PTPRD: variants seen among roughly 807,000 people sequenced by gnomAD.
The protein encoded by PTPRD is protein tyrosine phosphatase receptor type D, also known as receptor-type tyrosine-protein phosphatase delta.
A neutral mutation model predicts 214.5 loss-of-function variants in PTPRD; 34 were observed. That is an observed-to-expected ratio of 0.16 (90% confidence interval 0.12 to 0.21). The LOEUF (loss-of-function observed/expected upper bound fraction) is 0.21, where lower values mean the gene tolerates loss of function less well. Among genes scored for constraint, PTPRD ranks in the 10% least tolerant of loss-of-function variants. The pLI is 1.00. For synonymous variants in PTPRD, 1,128 were observed against 845.7 expected (o/e 1.33, Z -5.79); for missense variants, 2,545 against 2,398.7 (o/e 1.06, Z -1.27).
intron 10 of PTPRD, among the ~76,000 whole-genome samples, chr9:9,090,444 G>A (rs1282122011): frequency 6.6e-6 from 1 of 152,152 alleles, no homozygotes; most frequent in African/African-American, 2.4e-5. Context: ...TGAGCTGTGT[G>A]TCTTTAATCA....
chr9:8,713,897 A>G (rs2098400406), intron 12 of PTPRD: 3 of 618,662 alleles, frequency 4.8e-6, no homozygotes, highest in Admixed American at 3.7e-5. Context: ...CCCCGGTGGA[A>G]AAAAAAAAAA....
intron 10 of PTPRD, among the ~76,000 whole-genome samples, chr9:9,076,055 C>T (rs988165602): frequency 3.3e-5 from 5 of 152,140 alleles, no homozygotes; most frequent in Admixed American, 1.3e-4. Flanking sequence ...TATTTCTCTA[C>T]ATCCTCTCCA....
intron 10 of PTPRD, among the ~76,000 whole-genome samples, chr9:9,061,728 T>A (rs1349913722): frequency 1.3e-5 from 2 of 152,206 alleles, no homozygotes; most frequent in Admixed American, 6.5e-5. Flanking sequence ...AGCAAACAGC[T>A]GTTATTCTGT....
At chr9:9,568,108 T>C (rs1455008668) in intron 8 of PTPRD, among the ~76,000 whole-genome samples, 1 of 151,896 alleles carries the variant, frequency 6.6e-6, no homozygotes, top group Non-Finnish European at 1.5e-5. Flanking sequence ...CATTGAGTCA[T>C]CCATGAAATT....
At chr9:9,545,342 T>C (rs2078535668) in intron 8 of PTPRD, among the ~76,000 whole-genome samples, 2 of 151,862 alleles carry the variant, frequency 1.3e-5, no homozygotes, top group South Asian at 4.1e-4. Context: ...ACTACTGATA[T>C]TTTTAATGTC....
intron 8 of PTPRD, among the ~76,000 whole-genome samples, chr9:9,484,786 C>G (rs1303359558): frequency 1.3e-5 from 2 of 152,046 alleles, no homozygotes; most frequent in Non-Finnish European, 2.9e-5. Flanking sequence ...GTTCTGGAGC[C>G]TACAGTCTTG....
chr9:10,513,876 G>A (rs1320231792), intron 2 of PTPRD, among the ~76,000 whole-genome samples: 4 of 152,090 alleles, frequency 2.6e-5, no homozygotes, highest in African/African-American at 7.2e-5. Context: ...ACTGAAAAAT[G>A]AGCAAGATAC....
intron 4 of PTPRD, among the ~76,000 whole-genome samples, chr9:9,947,612 AT>A (rs2092951025): frequency 1.4e-5 from 1 of 69,550 alleles, no homozygotes; most frequent in African/African-American, 5.7e-5. Context: ...TATATTTTAT[AT>A]ATATATATTT....
intron 5 of PTPRD, among the ~76,000 whole-genome samples, chr9:9,769,106 A>G (rs1195554781): frequency 6.6e-6 from 1 of 152,160 alleles, no homozygotes; most frequent in African/African-American, 2.4e-5. Context: ...ACTTCAGAAG[A>G]CAAAAAGAAA....
chr9:10,565,849 C>G (rs2065434266), intron 2 of PTPRD, among the ~76,000 whole-genome samples: 1 of 151,922 alleles, frequency 6.6e-6, no homozygotes, highest in Non-Finnish European at 1.5e-5. Flanking sequence ...CATGCACACA[C>G]CCACACACAC....
chr9:9,264,864 G>T (rs1002022779), intron 9 of PTPRD, among the ~76,000 whole-genome samples: 1 of 149,534 alleles, frequency 6.7e-6, no homozygotes, highest in Admixed American at 6.7e-5. Context: ...TGCAGGCCAG[G>T]AGAAAGTGGA....
intron 3 of PTPRD, among the ~76,000 whole-genome samples, chr9:10,318,558 T>C (rs573751642): frequency 1.9e-4 from 29 of 152,126 alleles, no homozygotes; most frequent in South Asian, 1.4e-3. Context: ...AACTGGGTTA[T>C]AGGATTACTG....
chr9:9,513,600 A>C lies in PTPRD; in HGVS notation c.-237+61132T>G, dbSNP rs878974019. 1.2e-4 allele frequency among the ~76,000 whole-genome samples: 4 copies of C among 32,226 alleles called. No individual in the cohort carries two copies. The African/African-American group carries it at 1.2e-3, about 10-fold the overall frequency. The allele number at this position is 32,226 out of a possible 152,430, so 21.1% of individuals were successfully genotyped here. A position where few individuals can be genotyped will look rare whatever the true frequency, so the allele number is the denominator to read the frequency against. ...AAAGATATATAACAAAAAAAAAACAAATAAAAAATCTCAGTCTCATTTGTG... is the reference window on the plus strand; with the variant it reads ...AAAGATATATAACAAAAAAAAAACACATAAAAAATCTCAGTCTCATTTGTG... On this transcript the variant is annotated intron_variant, in intron 8 of 45. Coordinates refer to ENST00000381196, the MANE Select transcript of PTPRD (RefSeq NM_002839.4).
chr9:9,680,224 T>G (rs1212184090), intron 7 of PTPRD, among the ~76,000 whole-genome samples: 1 of 151,848 alleles, frequency 6.6e-6, no homozygotes, highest in Non-Finnish European at 1.5e-5. Flanking sequence ...TAAAAAAGCC[T>G]TTATCTTTGG....
chr9:9,285,308 C>T (rs1949012742), intron 9 of PTPRD, among the ~76,000 whole-genome samples: 1 of 151,736 alleles, frequency 6.6e-6, no homozygotes, highest in Non-Finnish European at 1.5e-5. Context: ...TCACACATTG[C>T]TCCATCACAT....
intron 45 of PTPRD, among the ~76,000 whole-genome samples, chr9:8,318,503 C>T (rs995239956): frequency 2.6e-5 from 4 of 152,034 alleles, no homozygotes; most frequent in Non-Finnish European, 5.9e-5. Flanking sequence ...ATTTCAGCTA[C>T]CCTTTGGCTG....
intron 9 of PTPRD, among the ~76,000 whole-genome samples, chr9:9,371,506 C>A (rs376528517): frequency 2.0e-5 from 3 of 151,930 alleles, no homozygotes; most frequent in East Asian, 1.9e-4. Context: ...TCTCTCTTTT[C>A]TTCTTTATTA....
At chr9:10,389,584 T>C (rs1170554310) in intron 2 of PTPRD, among the ~76,000 whole-genome samples, 1 of 151,832 alleles carries the variant, frequency 6.6e-6, no homozygotes, top group East Asian at 1.9e-4. Context: ...TTATTTTGTG[T>C]AGTCTGCACT....
At chr9:8,461,920 G>T (rs1325437638) in intron 32 of PTPRD, among the ~76,000 whole-genome samples, 1 of 151,922 alleles carries the variant, frequency 6.6e-6, no homozygotes, top group Non-Finnish European at 1.5e-5. Context: ...AAAGTTCTGA[G>T]ATTATAGGTA....
Sources: gnomAD v4.1 joint callset for allele counts (sites outside exome capture counted in the v4.1 genomes callset) on GRCh38, gnomAD v4.1.1 for gene constraint, MANE v1.5 for transcripts, NCBI Gene and HGNC (gene_info 2026-07-23, HGNC 2026-07-21) for gene names.